RNF220: variants seen among roughly 807,000 people sequenced by gnomAD.
The protein encoded by RNF220 is ring finger protein 220.
RNF220 carries 7 observed loss-of-function variants against 67.1 expected under a neutral mutation model. The observed-to-expected ratio is 0.10, with a 90% CI of 0.06 to 0.20. The LOEUF (loss-of-function observed/expected upper bound fraction) is 0.20, where lower values mean the gene tolerates loss of function less well. RNF220 is among the 10% of genes least tolerant of loss of function. The pLI, the probability that RNF220 is intolerant of heterozygous loss-of-function variation, is 1.00. For missense variants in RNF220, 565 were observed against 740.3 expected (o/e 0.76, Z 2.75); for synonymous variants, 270 against 283.2 (o/e 0.95, Z 0.47).
chr1:44,564,610 G>A (rs796768018), intron 2 of RNF220, among the ~76,000 whole-genome samples: 14 of 152,028 alleles, frequency 9.2e-5, no homozygotes, highest in African/African-American at 2.9e-4. Flanking sequence ...CAAAAATTAC[G>A]CAGGCAGTGG....
chr1:44,608,855 C>T (rs1032892716), intron 2 of RNF220, among the ~76,000 whole-genome samples: 2 of 152,142 alleles, frequency 1.3e-5, no homozygotes, highest in Admixed American at 1.3e-4. Context: ...CAGATATAGG[C>T]AAGGCAGGGC....
chr1:44,493,044 T>C (rs1334376537), intron 2 of RNF220, among the ~76,000 whole-genome samples: 1 of 152,104 alleles, frequency 6.6e-6, no homozygotes, highest in African/African-American at 2.4e-5. Flanking sequence ...AAATGCATGC[T>C]ACCTTGCCTG....
chr1:44,493,956 C>A (rs990106330), intron 2 of RNF220, among the ~76,000 whole-genome samples: 1 of 152,086 alleles, frequency 6.6e-6, no homozygotes, highest in Non-Finnish European at 1.5e-5. Context: ...CCTGTAATCC[C>A]AGCATTTTAG....
At chr1:44,547,833 A>G (rs906481412) in intron 2 of RNF220, among the ~76,000 whole-genome samples, 1 of 152,056 alleles carries the variant, frequency 6.6e-6, no homozygotes, top group African/African-American at 2.4e-5. Flanking sequence ...ATTTCTGTTG[A>G]TGACATTGTC....
At chr1:44,641,238 C>T (rs1436413074) in intron 8 of RNF220, among the ~76,000 whole-genome samples, 1 of 152,196 alleles carries the variant, frequency 6.6e-6, no homozygotes, top group African/African-American at 2.4e-5. Context: ...AACTCTGGCA[C>T]CACCCTGCTG....
chr1:44,541,352 C>T (rs550025584), intron 2 of RNF220, among the ~76,000 whole-genome samples: 2 of 152,256 alleles, frequency 1.3e-5, no homozygotes, highest in East Asian at 1.9e-4. Flanking sequence ...CACTTGAACT[C>T]GGGAAGCAGA....
intron 2 of RNF220, among the ~76,000 whole-genome samples, chr1:44,428,753 A>G (rs1650049973): frequency 6.6e-6 from 1 of 152,078 alleles, no homozygotes; most frequent in Admixed American, 6.5e-5. Flanking sequence ...TAAGAGGCTT[A>G]ATAGGCAAGG....
At chr1:44,562,360 A>G (rs1455868142) in intron 2 of RNF220, among the ~76,000 whole-genome samples, 2 of 152,132 alleles carry the variant, frequency 1.3e-5, no homozygotes, top group Non-Finnish European at 2.9e-5. Context: ...GCTTAAACCC[A>G]TGTGTCAGGG....
At chr1:44,511,499 A>T (rs1222307607) in intron 2 of RNF220, among the ~76,000 whole-genome samples, 2 of 152,350 alleles carry the variant, frequency 1.3e-5, no homozygotes, top group East Asian at 1.9e-4. Context: ...CTCATTTTTT[A>T]GATCAGTCTT....
intron 2 of RNF220, among the ~76,000 whole-genome samples, chr1:44,524,148 G>A (rs1660168475): frequency 1.3e-5 from 2 of 152,124 alleles, no homozygotes; most frequent in African/African-American, 4.8e-5. Flanking sequence ...GGCTTGCACT[G>A]GCTCCTCTCA....
chr1:44,636,960 G>A (rs1644348459), intron 8 of RNF220, among the ~76,000 whole-genome samples: 1 of 152,262 alleles, frequency 6.6e-6, no homozygotes, highest in African/African-American at 2.4e-5. Flanking sequence ...GAAAAGGGGA[G>A]CTGTCTGCCT....
rs762159522 is a variant in RNF220, at chr1:44,632,427, T to TCCTC, written c.949+55_949+58dup. 4.2e-3 allele frequency: 4,023 copies of TCCTC among 967,934 alleles called. 22 individuals carry two copies. Among genetic ancestry groups the TCCTC allele is most frequent in the East Asian group, 0.039 (468 of 11,974 alleles). The allele number at this position is 967,934 out of a possible 1,614,324, so 60.0% of individuals were successfully genotyped here. On this transcript the variant is annotated intron_variant, in intron 6 of 14. Transcript: ENST00000361799. ...CCCTCCCTCCGCCCCACCCCCGGCCTCCTCCCTCCCTCCCTCACTGCCTGC... is the reference window on the plus strand; with the variant it reads ...CCCTCCCTCCGCCCCACCCCCGGCCTCCTCCCTCCCTCCCTCCCTCACTGCCTGC...
At chr1:44,448,644 A>G (rs1270760781) in intron 2 of RNF220, among the ~76,000 whole-genome samples, 1 of 152,236 alleles carries the variant, frequency 6.6e-6, no homozygotes. Context: ...GATTTAGGAA[A>G]CTTCTCAAGC....
chr1:44,504,957 G>T (rs936590336), intron 2 of RNF220, among the ~76,000 whole-genome samples: 1 of 152,082 alleles, frequency 6.6e-6, no homozygotes, highest in East Asian at 1.9e-4. Context: ...AAAAGTAAAG[G>T]CTAAGAATTC....
At position 44,645,867 on chromosome 1, in the gene RNF220, G is replaced by A. The variant is rs1321376982; in HGVS notation, c.1445+379G>A. 3.3e-5 allele frequency among the ~76,000 whole-genome samples: 5 copies of A among 152,184 alleles called. No individual in the cohort carries two copies. Among genetic ancestry groups the A allele is most frequent in the African/African-American group, 4.8e-5 (2 of 41,432 alleles). ...AAATTGGTTTCATTTTTCTTGTCCC[G>A]GGTGGCACTCGCAGTGGATTTTAGG... On this transcript the variant is annotated intron_variant, in intron 12 of 14. Transcript: ENST00000361799. The surrounding 1 kb of genome is among the most constrained non-coding windows in gnomAD (Gnocchi z 5.0).
chr1:44,514,162 T>C (rs1051814909), intron 2 of RNF220, among the ~76,000 whole-genome samples: 3 of 152,228 alleles, frequency 2.0e-5, no homozygotes, highest in Admixed American at 6.5e-5. Context: ...GTGAGCTCTT[T>C]GAGTGCAGGA....
At chr1:44,594,400 C>G (rs553814930) in intron 2 of RNF220, among the ~76,000 whole-genome samples, 1 of 152,306 alleles carries the variant, frequency 6.6e-6, no homozygotes, top group East Asian at 1.9e-4. Flanking sequence ...GGAAGTGGAG[C>G]CCATCGGGCA....
chr1:44,517,521 C>A (rs1659551905), intron 2 of RNF220, among the ~76,000 whole-genome samples: 2 of 152,018 alleles, frequency 1.3e-5, no homozygotes, highest in Non-Finnish European at 2.9e-5. Flanking sequence ...TTTTCTATTT[C>A]TTATCTATTG....
intron 2 of RNF220, among the ~76,000 whole-genome samples, chr1:44,430,615 G>C (rs1009104264): frequency 6.6e-6 from 1 of 151,948 alleles, no homozygotes; most frequent in Non-Finnish European, 1.5e-5. Flanking sequence ...GCATGATCTC[G>C]GCTCACTGCA....
Sources: gnomAD v4.1 joint callset for allele counts (sites outside exome capture counted in the v4.1 genomes callset) on GRCh38, gnomAD v4.1.1 for gene constraint, Gnocchi (gnomAD v3.1) non-coding constraint, MANE v1.5 for transcripts, NCBI Gene and HGNC (gene_info 2026-07-23, HGNC 2026-07-21) for gene names.